TUSC3: variants seen among roughly 807,000 people sequenced by gnomAD.
TUSC3 encodes dolichyl-diphosphooligosaccharide--protein glycosyltransferase subunit TUSC3.
TUSC3 carries 45 observed loss-of-function variants against 44.8 expected under a neutral mutation model. That is an observed-to-expected ratio of 1.00 (90% CI 0.79 to 1.29). TUSC3 has a LOEUF of 1.29. Among genes scored for constraint, TUSC3 ranks in the 50% most tolerant of loss-of-function variants. The pLI is 0.00. For synonymous variants in TUSC3, 212 were observed against 152.9 expected (o/e 1.39, Z -2.85); for missense variants, 519 against 437.9 (o/e 1.19, Z -1.65).
chr8:15,460,578 G>T (rs907642363), intron 1 of TUSC3, among the ~76,000 whole-genome samples: 2 of 151,978 alleles, frequency 1.3e-5, no homozygotes, highest in Non-Finnish European at 1.5e-5. Flanking sequence ...TTTGCTTTTG[G>T]GTTCTTGGTC....
chr8:15,508,550 C>T (rs1245039783), intron 2 of TUSC3, among the ~76,000 whole-genome samples: 2 of 149,994 alleles, frequency 1.3e-5, no homozygotes, highest in African/African-American at 4.9e-5. Context: ...CAAGCTCCGC[C>T]TCCCGGGTTC....
intron 6 of TUSC3, among the ~76,000 whole-genome samples, chr8:15,722,006 C>T (rs1267884807): frequency 6.6e-6 from 1 of 151,928 alleles, no homozygotes; most frequent in Non-Finnish European, 1.5e-5. Context: ...ATGAGAAGCT[C>T]TCCTTTTAAC....
intron 1 of TUSC3, among the ~76,000 whole-genome samples, chr8:15,438,006 T>C (rs1799972261): frequency 6.6e-6 from 1 of 152,240 alleles, no homozygotes. Flanking sequence ...TTTCTACTTC[T>C]TACCAGCAGG....
At chr8:15,423,834 G>C (rs140227981) in intron 1 of TUSC3, among the ~76,000 whole-genome samples, 6 of 152,210 alleles carry the variant, frequency 3.9e-5, no homozygotes, top group African/African-American at 1.4e-4. Context: ...CATAATACAG[G>C]AAGGACTAGA....
At position 15,540,374 on chromosome 8, in the gene TUSC3, C is replaced by T. The variant is rs1448435767; in HGVS notation, c.-57C>T. 2.6e-5 allele frequency: 38 copies of T among 1,471,186 alleles called. No homozygotes were observed. The Admixed American group carries it at 8.1e-4, about 31-fold the overall frequency. The allele number at this position is 1,471,186 out of a possible 1,614,324, so 91.1% of individuals were successfully genotyped here. The stretch of plus-strand genomic sequence containing the variant: ...AGGCTGGCCGGGCAGGCGTGGTGCG[C>T]GGTAGGAGCTGGGCGCGCACGGCTA... On this transcript the variant is annotated 5_prime_UTR_variant, in exon 1 of 11. Coordinates refer to ENST00000503731, the MANE Select transcript of TUSC3 (RefSeq NM_006765.4).
At chr8:15,610,407 A>G (rs965430848) in intron 1 of TUSC3, among the ~76,000 whole-genome samples, 11 of 152,174 alleles carry the variant, frequency 7.2e-5, no homozygotes, top group African/African-American at 2.2e-4. Context: ...GGTATTTTCA[A>G]TGTAGAATTT....
intron 1 of TUSC3, among the ~76,000 whole-genome samples, chr8:15,450,576 A>T (rs1467466212): frequency 6.6e-6 from 1 of 152,158 alleles, no homozygotes; most frequent in Non-Finnish European, 1.5e-5. Flanking sequence ...AGGCTGAGGC[A>T]GGAGAATAGC....
chr8:15,697,401 T>C (rs1396725343), intron 6 of TUSC3, among the ~76,000 whole-genome samples: 2 of 152,222 alleles, frequency 1.3e-5, no homozygotes, highest in African/African-American at 2.4e-5. Flanking sequence ...TTCAGACTTT[T>C]TGATGTAGGC....
At chr8:15,602,918 A>G (rs1804352071) in intron 1 of TUSC3, among the ~76,000 whole-genome samples, 1 of 151,742 alleles carries the variant, frequency 6.6e-6, no homozygotes, top group Non-Finnish European at 1.5e-5. Context: ...AAACCTAAGT[A>G]TTAATAACAC....
intron 8 of TUSC3, among the ~76,000 whole-genome samples, chr8:15,745,274 G>A (rs77672330): frequency 0.022 from 3,335 of 152,190 alleles, 100 homozygotes; most frequent in African/African-American, 0.075. Flanking sequence ...AAACATAAGA[G>A]TGCATGGGTC....
intron 1 of TUSC3, among the ~76,000 whole-genome samples, chr8:15,468,304 C>T (rs1014229829): frequency 3.3e-5 from 5 of 152,184 alleles, no homozygotes; most frequent in Non-Finnish European, 2.9e-5. Flanking sequence ...TAGAAGCCCA[C>T]TGGGTGTTGA....
chr8:15,606,403 G>A (rs956540055), intron 1 of TUSC3, among the ~76,000 whole-genome samples: 1 of 152,048 alleles, frequency 6.6e-6, no homozygotes, highest in African/African-American at 2.4e-5. Context: ...CTGGTCAGCA[G>A]TAAGCTTTTA....
intron 1 of TUSC3, among the ~76,000 whole-genome samples, chr8:15,425,324 C>A (rs759472451): frequency 1.3e-5 from 2 of 152,152 alleles, no homozygotes; most frequent in African/African-American, 2.4e-5. Context: ...GATTCTTTTT[C>A]GCCCTTAAGA....
chr8:15,610,203 A>G (rs1804701263), intron 1 of TUSC3, among the ~76,000 whole-genome samples: 1 of 152,182 alleles, frequency 6.6e-6, no homozygotes, highest in South Asian at 2.1e-4. Flanking sequence ...TTCATAGCAT[A>G]CTTTGAAATC....
At chr8:15,850,726 C>A in the TUSC3 span, among the ~76,000 whole-genome samples, 2 of 152,028 alleles carry the variant, frequency 1.3e-5, no homozygotes, top group African/African-American at 4.8e-5. Flanking sequence ...AATTTTAACA[C>A]GAAGATGCCA....
intron 1 of TUSC3, among the ~76,000 whole-genome samples, chr8:15,576,284 T>TA (rs1554517170): frequency 2.1e-5 from 3 of 141,666 alleles, no homozygotes; most frequent in Admixed American, 7.1e-5. Context: ...CTCTTGTTTT[T>TA]TTTTTTTATT....
At chr8:15,521,135 C>G (rs1448757110) in intron 2 of TUSC3, among the ~76,000 whole-genome samples, 2 of 152,156 alleles carry the variant, frequency 1.3e-5, no homozygotes, top group Admixed American at 1.3e-4. Flanking sequence ...TGCCACCTCT[C>G]ACTTCTAAGC....
chr8:15,552,662 G>T (rs1393152515), intron 1 of TUSC3, among the ~76,000 whole-genome samples: 2 of 151,596 alleles, frequency 1.3e-5, no homozygotes, highest in African/African-American at 4.8e-5. Context: ...GGGGAATAGT[G>T]GATTGAGGCC....
chr8:15,427,456 G>T (rs944374212), intron 1 of TUSC3, among the ~76,000 whole-genome samples: 7 of 152,016 alleles, frequency 4.6e-5, no homozygotes, highest in African/African-American at 1.2e-4. Context: ...CTGGTAATGA[G>T]CAGCATCCCA....
Sources: gnomAD v4.1 joint callset for allele counts (sites outside exome capture counted in the v4.1 genomes callset) on GRCh38, gnomAD v4.1.1 for gene constraint, MANE v1.5 for transcripts, NCBI Gene and HGNC (gene_info 2026-07-23, HGNC 2026-07-21) for gene names.